Variants in CHD1 observed in about 807,000 individuals in gnomAD.
The protein encoded by CHD1 is chromodomain helicase DNA binding protein 1.
A neutral mutation model predicts 224.2 loss-of-function variants in CHD1; 36 were observed. The ratio of observed to expected loss-of-function variants is 0.16; its 90% CI spans 0.12 to 0.21. CHD1 has a LOEUF of 0.21. Ranked by LOEUF, CHD1 falls within the 10% of genes least tolerant of loss-of-function variation. CHD1 has a pLI of 1.00. For missense variants in CHD1, 1,378 were observed against 1,994.8 expected, an observed-to-expected ratio of 0.69 and a Z score of 5.89; for synonymous variants, 668 against 658.3, an observed-to-expected ratio of 1.01 and a Z score of -0.23.
intron 7 of CHD1, among the ~76,000 whole-genome samples, chr5:98,900,370 A>C (rs1225827069): frequency 2.0e-5 from 3 of 152,028 alleles, no homozygotes; most frequent in African/African-American, 4.8e-5. Flanking sequence ...ATAAAACATA[A>C]GTAAAACAAC....
intron 2 of CHD1, among the ~76,000 whole-genome samples, chr5:98,918,760 A>C (rs1752907445): frequency 1.5e-5 from 2 of 136,712 alleles, no homozygotes; most frequent in South Asian, 2.2e-4. Context: ...CTTCAAAAAA[A>C]AAAAAAAACA....
intron 24 of CHD1, among the ~76,000 whole-genome samples, chr5:98,875,518 G>A (rs374529972): frequency 2.0e-4 from 30 of 152,244 alleles, no homozygotes; most frequent in African/African-American, 6.5e-4. Context: ...ATTCAGATGT[G>A]TATTACACCA....
At position 98,864,517 on chromosome 5, in the gene CHD1, C is replaced by CAAAA. The variant is rs67061692; in HGVS notation, c.4249-935_4249-932dup. On this transcript the variant is annotated intron_variant, in intron 31 of 35. Coordinates refer to ENST00000614616, the MANE Select transcript of CHD1 (RefSeq NM_001270.4). ...CAACAGTGAGATCCTGATTCTATAC[C>CAAAA]AAAAAAAAAAAAAAAAAAAAAAAAA... is the stretch of plus-strand genomic sequence containing the variant. 6.5e-4 allele frequency among the ~76,000 whole-genome samples: 38 copies of CAAAA among 58,128 alleles called. 1 individual carries two copies. The highest frequency in any genetic ancestry group is 2.0e-3 in the African/African-American group (33 of 16,152). 38.1% of individuals were successfully genotyped at this position (58,128 alleles called of 152,430 possible). A position where few individuals can be genotyped will look rare whatever the true frequency, so the allele number is the denominator to read the frequency against.
rs1349572841 is a variant in CHD1, at chr5:98,882,097, C to T, written c.2745G>A (p.Lys915=). The change falls in exon 20 of 36, where the codon AAG becomes AAA. Residue 915 remains lysine, a synonymous_variant. Transcript: ENST00000614616. ...CAAGAATATCTTCTTCAACTGATCCCTTTGTAACTAGACGATAAATATTCA... is the reference window on the plus strand; with the variant it reads ...CAAGAATATCTTCTTCAACTGATCCTTTTGTAACTAGACGATAAATATTCA... ...KQVNIYRLVT[K]GSVEEDILER... The T allele has an allele frequency of 6.2e-7, 1 of 1,613,140 alleles. No homozygotes were observed. The highest frequency in any genetic ancestry group is 1.7e-5 in the Admixed American group (1 of 60,000).
intron 1 of CHD1, among the ~76,000 whole-genome samples, chr5:98,927,500 C>G (rs1753551208): frequency 6.6e-6 from 1 of 152,144 alleles, no homozygotes; most frequent in Non-Finnish European, 1.5e-5. Flanking sequence ...CAGATTGTTA[C>G]CAACTCAATG....
chr5:98,916,079 C>T (rs1004094126), intron 2 of CHD1, among the ~76,000 whole-genome samples: 51 of 152,044 alleles, frequency 3.4e-4, no homozygotes, highest in African/African-American at 1.2e-3. Flanking sequence ...GTAATCCCAG[C>T]TACTTGGGAG....
At chr5:98,885,871 T>G (rs1750616767) in intron 17 of CHD1, 1 of 469,226 alleles carries the variant, frequency 2.1e-6, no homozygotes, top group Non-Finnish European at 3.8e-6. Flanking sequence ...GCATAGGCTG[T>G]CATACTATTC....
rs755689913 is a variant in CHD1, at chr5:98,889,083, G to A, written c.2336C>T (p.Ala779Val). 6 of 1,568,680 alleles carry A rather than the reference G, an allele frequency of 3.8e-6. No individual in the cohort carries two copies. The East Asian group carries it at 1.1e-4, about 29-fold the overall frequency. Residue 779 changes from alanine (A) to valine (V), a missense_variant, in exon 16 of 36, where the codon GCC becomes GTC. Ala to Val is a moderately conservative substitution (Grantham distance 64). Transcript: ENST00000614616. ...ACATTTAAAAATTCTTACTTGTAAG[G>A]CCTCCTGTTTATTATAGAATTCATT... ...DNNEFYNKQE[A>V]LQHLIRSSGK...
intron 24 of CHD1, among the ~76,000 whole-genome samples, 197 bp from the exon 25 acceptor site, chr5:98,875,310 TA>T (rs1561495181): frequency 6.6e-6 from 1 of 152,142 alleles, no homozygotes; most frequent in African/African-American, 2.4e-5. Flanking sequence ...CAAGGTAAAT[TA>T]ACATCCAAGA....
chr5:98,887,537 G>C (rs927721005), intron 17 of CHD1, among the ~76,000 whole-genome samples: 1 of 152,138 alleles, frequency 6.6e-6, no homozygotes, highest in Non-Finnish European at 1.5e-5. Flanking sequence ...AACAGCACCT[G>C]ACTTTAAATA....
At chr5:98,861,726 T>C (rs1487631415) in intron 32 of CHD1, among the ~76,000 whole-genome samples, 1 of 151,032 alleles carries the variant, frequency 6.6e-6, no homozygotes, top group Non-Finnish European at 1.5e-5. Context: ...ATGGTCTCAA[T>C]CTCCTGACCT....
At chr5:98,875,323 G>A (rs1338747715) in intron 24 of CHD1, among the ~76,000 whole-genome samples, 16 of 152,076 alleles carry the variant, frequency 1.1e-4, no homozygotes, top group Non-Finnish European at 2.9e-5. Flanking sequence ...CATCCAAGAT[G>A]ATGTTTAGAT....
intron 13 of CHD1, 76 bp from the exon 14 acceptor site, chr5:98,893,682 A>T (rs530346310): frequency 1.2e-6 from 1 of 862,616 alleles, no homozygotes; most frequent in African/African-American, 1.8e-5. Flanking sequence ...ATCTGAACTC[A>T]ATTATTAAAA....
chr5:98,903,030 A>G, intron 4 of CHD1, 66 bp from the exon 5 acceptor site: 1 of 937,698 alleles, frequency 1.1e-6, no homozygotes, highest in Non-Finnish European at 1.7e-6. Flanking sequence ...TTAAATTTTT[A>G]TTTGCTATAC....
At chr5:98,925,738 C>T (rs1001610598) in intron 2 of CHD1, among the ~76,000 whole-genome samples, 1 of 151,902 alleles carries the variant, frequency 6.6e-6, no homozygotes, top group Non-Finnish European at 1.5e-5. Context: ...AGTAATATTT[C>T]AACAAATGTC....
In CHD1 at chr5:98,900,888, T is replaced by C; in HGVS notation, c.782A>G (p.Glu261Gly). Residue 261 changes from glutamate to glycine, a missense_variant, in exon 7 of 36, where the codon GAG becomes GGG. Coordinates refer to ENST00000614616, the MANE Select transcript of CHD1 (RefSeq NM_001270.4). ...CTCTTCCTCAGGTTGAGGAACATCC[T>C]CTCCACAGACTTCCAGTAGGTCATC... ...DSDDLLEVCG[E>G]DVPQPEEEEF... 6.2e-7 allele frequency: 1 copy of C among 1,613,872 alleles called. No individual in the cohort carries two copies. Among genetic ancestry groups the C allele is most frequent in the Non-Finnish European group, 8.5e-7 (1 of 1,179,752 alleles).
chr5:98,899,297 C>G (rs1349623488), intron 8 of CHD1, among the ~76,000 whole-genome samples, 183 bp downstream of exon 8: 1 of 152,116 alleles, frequency 6.6e-6, no homozygotes, highest in Non-Finnish European at 1.5e-5. Flanking sequence ...CCTCCGAATA[C>G]TTTCAATCCA....
intron 24 of CHD1, 75 bp from the exon 25 acceptor site, chr5:98,875,188 G>A (rs1749660506): frequency 2.4e-6 from 2 of 832,480 alleles, no homozygotes; most frequent in Admixed American, 2.5e-5. Context: ...GATATTTACA[G>A]ATATAAGAAA....
At chr5:98,883,011 G>T in intron 19 of CHD1, 77 bp downstream of exon 19, 1 of 942,458 alleles carries the variant, frequency 1.1e-6, no homozygotes, top group Non-Finnish European at 1.5e-6. Flanking sequence ...TCCTCTAGAG[G>T]ATAAACTGAA....
Sources: gnomAD v4.1 joint callset for allele counts (sites outside exome capture counted in the v4.1 genomes callset) on GRCh38, gnomAD v4.1.1 for gene constraint, MANE v1.5 for transcripts, NCBI Gene and HGNC (gene_info 2026-07-23, HGNC 2026-07-21) for gene names.